IQSEC1: variants seen among roughly 807,000 people sequenced by gnomAD.
The protein encoded by IQSEC1 is IQ motif and Sec7 domain ArfGEF 1, also known as IQ motif and SEC7 domain-containing protein 1.
IQSEC1 carries 31 observed loss-of-function variants against 91.0 expected under a neutral mutation model. The ratio of observed to expected loss-of-function variants is 0.34; its 90% confidence interval spans 0.26 to 0.46. The LOEUF (loss-of-function observed/expected upper bound fraction) is 0.46. IQSEC1 is among the 20% of genes least tolerant of loss of function. The probability of loss-of-function intolerance (pLI) is 1.00; values close to 1 mark genes in which losing one functional copy is unlikely to be tolerated. For synonymous variants in IQSEC1, 699 were observed against 662.6 expected, an observed-to-expected ratio of 1.05 and a Z score of -0.84; for missense variants, 1,388 against 1,575.6, an observed-to-expected ratio of 0.88 and a Z score of 2.02.
intron 1 of IQSEC1, among the ~76,000 whole-genome samples, chr3:13,203,053 C>T (rs536092185): frequency 6.6e-6 from 1 of 152,310 alleles, no homozygotes; most frequent in Admixed American, 6.5e-5. Context: ...AGCTCCGCTG[C>T]TCTCTTGGCT....
At chr3:13,167,400 C>A (rs1391823028) in intron 1 of IQSEC1, among the ~76,000 whole-genome samples, 1 of 152,204 alleles carries the variant, frequency 6.6e-6, no homozygotes, top group Non-Finnish European at 1.5e-5. Context: ...GCTCAGTTTA[C>A]CTGGGAGCCC....
At chr3:13,068,676 G>A (rs560007463) in intron 1 of IQSEC1, among the ~76,000 whole-genome samples, 1 of 152,220 alleles carries the variant, frequency 6.6e-6, no homozygotes, top group South Asian at 2.1e-4. Context: ...TCCTCCCTCT[G>A]TGGCCCAATC....
rs1311425054 is a variant in IQSEC1 at position 13,023,130 on chromosome 3, T to C, written c.23+49862A>G. Among the ~76,000 whole-genome samples the C allele has an allele frequency of 2.0e-5, 3 of 152,196 alleles. No individual in the cohort carries two copies. The East Asian group carries it at 5.8e-4, about 29-fold the overall frequency. ...ATTGGTGGAGGTGGGATTTGAACCT[T>C]GGCAGTCTGGCTCTAAGAGCCCACG... is the stretch of plus-strand genomic sequence containing the variant. On this transcript the variant is annotated intron_variant, in intron 1 of 13. Transcript: ENST00000613206.
At chr3:12,948,347 A>G (rs892285) in intron 1 of IQSEC1, among the ~76,000 whole-genome samples, 133,258 of 152,270 alleles carry the variant, frequency 0.88, 58,365 homozygotes, top group East Asian at 0.99. Context: ...CCTGCTGTTG[A>G]GACCCTCTCT....
At position 13,259,755 on chromosome 3, in the gene IQSEC1, C is replaced by T. The variant is rs1336423698; in HGVS notation, c.272+22956G>A. On this transcript the variant is annotated intron_variant, in intron 1 of 15. Coordinates refer to the IQSEC1 transcript ENST00000648114. This position sits in a 1 kb window ranked among gnomAD's most constrained non-coding sequence, Gnocchi z 4.6. ...TCCAATGCTTACCTCCACCTGCTTC[C>T]ACCTCTGGTCATCCACAGATGCCAC... 6.6e-6 allele frequency among the ~76,000 whole-genome samples: 1 copy of T among 152,232 alleles called. No homozygotes were observed. Among genetic ancestry groups the T allele is most frequent in the Non-Finnish European group, 1.5e-5 (1 of 68,034 alleles).
In IQSEC1 at chr3:12,900,842, G is replaced by GGC. The variant is rs1194966008; in HGVS notation, c.*139_*140dup. ...CAACACCAGCCCTGTGGGCTCCTGG[G>GGC]GCTCCGGTTGGGCCGTGAGGGGCAG... On this transcript the variant is annotated 3_prime_UTR_variant, in exon 14 of 14. Transcript: ENST00000613206. The GGC allele has an allele frequency of 3.3e-6, 5 of 1,518,542 alleles. No individual in the cohort carries two copies. Among genetic ancestry groups the GGC allele is most frequent in the Non-Finnish European group, 4.4e-6 (5 of 1,138,564 alleles). 94.1% of individuals were successfully genotyped at this position (1,518,542 alleles called of 1,614,324 possible). A position where few individuals can be genotyped will look rare whatever the true frequency, so the allele number is the denominator to read the frequency against.
At chr3:13,218,545 A>C (rs1484585557) in intron 1 of IQSEC1, among the ~76,000 whole-genome samples, 2 of 152,254 alleles carry the variant, frequency 1.3e-5, no homozygotes, top group Non-Finnish European at 2.9e-5. Context: ...GCACTAACAC[A>C]CAAGATGCTT....
chr3:13,158,877 G>A (rs998514307), intron 2 of IQSEC1, among the ~76,000 whole-genome samples: 2 of 152,064 alleles, frequency 1.3e-5, no homozygotes, highest in African/African-American at 2.4e-5. Flanking sequence ...CACGAGAATC[G>A]CTGGAACCCA....
intron 1 of IQSEC1, chr3:13,053,181 G>A: frequency 1.4e-6 from 1 of 730,360 alleles, no homozygotes; most frequent in Admixed American, 1.8e-5. Context: ...GAGGGGACTG[G>A]CTGTGGTTTT....
At chr3:13,072,945 C>G in intron 1 of IQSEC1, 47 bp downstream of exon 1, 4 of 1,510,214 alleles carry the variant, frequency 2.6e-6, no homozygotes, top group Non-Finnish European at 3.6e-6. Flanking sequence ...CTCAGCCGGG[C>G]CCCTCTGGCC....
intron 2 of IQSEC1, among the ~76,000 whole-genome samples, chr3:13,116,146 C>T (rs1036773086): frequency 4.6e-5 from 7 of 152,222 alleles, no homozygotes; most frequent in African/African-American, 1.7e-4. Flanking sequence ...GAAGTCCTCC[C>T]AGCTCCCTGA....
intron 9 of IQSEC1, among the ~76,000 whole-genome samples, chr3:12,912,612 C>T (rs961681198): frequency 2.1e-5 from 3 of 143,932 alleles, no homozygotes; most frequent in South Asian, 2.2e-4. Context: ...TGCAGTGAGC[C>T]GAGATTGCGC....
chr3:12,900,933 T>C lies in IQSEC1; in HGVS notation c.*50A>G. ...CGGCTGGCGACCCCCGGGCGTGCCC[T>C]GTGTGGTGTGCAGGTGTTTCAGGGA... On this transcript the variant is annotated 3_prime_UTR_variant, in exon 14 of 14. Transcript: ENST00000613206. The C allele has an allele frequency of 6.5e-7, 1 of 1,538,216 alleles. No homozygotes were observed. Among genetic ancestry groups the C allele is most frequent in the Non-Finnish European group, 8.7e-7 (1 of 1,146,604 alleles).
chr3:13,090,694 T>C (rs570141043), intron 2 of IQSEC1, among the ~76,000 whole-genome samples: 3 of 152,174 alleles, frequency 2.0e-5, no homozygotes, highest in African/African-American at 7.2e-5. Flanking sequence ...CACAGCCTGG[T>C]GTTGATTTAA....
intron 1 of IQSEC1, among the ~76,000 whole-genome samples, chr3:13,228,558 A>G: frequency 6.6e-6 from 1 of 152,270 alleles, no homozygotes; most frequent in East Asian, 1.9e-4. Context: ...AAAAGAAACC[A>G]AAATCTTATT....
intron 2 of IQSEC1, among the ~76,000 whole-genome samples, chr3:13,147,029 C>T (rs1376135161): frequency 6.6e-6 from 1 of 152,174 alleles, no homozygotes; most frequent in Non-Finnish European, 1.5e-5. Context: ...CAAAGAGAAC[C>T]TCAATTTCCT....
intron 1 of IQSEC1, among the ~76,000 whole-genome samples, chr3:13,280,181 G>C (rs1695763444): frequency 6.6e-6 from 1 of 152,216 alleles, no homozygotes; most frequent in African/African-American, 2.4e-5. Context: ...GAAGTGCAGG[G>C]CTGGGCCTAG....
intron 1 of IQSEC1, among the ~76,000 whole-genome samples, chr3:13,247,460 C>T (rs186017872): frequency 6.6e-6 from 1 of 152,344 alleles, no homozygotes; most frequent in Admixed American, 6.5e-5. Context: ...CTCATCGCCC[C>T]CCTTGGGACA....
intron 1 of IQSEC1, among the ~76,000 whole-genome samples, chr3:13,038,274 A>ATATAT (rs1246040917): frequency 5.9e-5 from 7 of 118,382 alleles, no homozygotes; most frequent in Admixed American, 5.8e-4. Context: ...ATATATATAT[A>ATATAT]TATATATATA....
Sources: gnomAD v4.1 joint callset for allele counts (sites outside exome capture counted in the v4.1 genomes callset) on GRCh38, gnomAD v4.1.1 for gene constraint, Gnocchi (gnomAD v3.1) non-coding constraint, MANE v1.5 for transcripts, NCBI Gene and HGNC (gene_info 2026-07-23, HGNC 2026-07-21) for gene names.